Variants in FAM170A observed in about 807,000 individuals in gnomAD.
FAM170A encodes protein FAM170A.
FAM170A carries 28 observed loss-of-function variants against 36.6 expected under a neutral mutation model. The observed-to-expected ratio is 0.76, with a 90% CI of 0.57 to 1.05. The LOEUF is 1.05. FAM170A is among the 50% of genes least tolerant of loss of function. The pLI is 0.00. For synonymous variants in FAM170A, 156 were observed against 143.9 expected, an observed-to-expected ratio of 1.08 and a Z score of -0.60; for missense variants, 434 against 396.5, an observed-to-expected ratio of 1.09 and a Z score of -0.80.
At position 119,631,681 on chromosome 5, in the gene FAM170A, C is replaced by T. The variant is rs559241461; in HGVS notation, c.71-1067C>T. Reference sequence around the variant, plus strand: ...TTCCTCTATTACATACTCACACAACCCATGTGTGTGACAGTCTTTTCTTCC... The same window carrying T: ...TTCCTCTATTACATACTCACACAACTCATGTGTGTGACAGTCTTTTCTTCC... On this transcript the variant is annotated intron_variant, in intron 1 of 4. Coordinates refer to ENST00000613773, the Ensembl canonical transcript of FAM170A. Among the ~76,000 whole-genome samples, 69 of 152,232 alleles carry T rather than the reference C, an allele frequency of 4.5e-4. 2 individuals carry two copies. The South Asian group carries it at 0.014, about 31-fold the overall frequency.
rs764032855 is a variant in FAM170A, at chr5:119,634,429, C to T, written c.681C>T (p.Gly227=). Reference sequence around the variant, plus strand: ...ACTGGCTGGTGACCATGGAGAACGGCTTCAGGTGCATGGCCTGCTGCCGGG... The same window carrying T: ...ACTGGCTGGTGACCATGGAGAACGGTTTCAGGTGCATGGCCTGCTGCCGGG... The change falls in exon 3 of 5, where the codon GGC becomes GGT. Residue 227 remains glycine, a synonymous_variant. Coordinates refer to ENST00000613773, the Ensembl canonical transcript of FAM170A. 38 of 1,614,106 alleles carry T rather than the reference C, an allele frequency of 2.4e-5. No individual in the cohort carries two copies. In the East Asian group the frequency reaches 7.6e-4, roughly 32 times the overall value.
chr5:119,630,321 A>ATTTTTTT (rs10603530), intron 1 of FAM170A, among the ~76,000 whole-genome samples: 20 of 118,384 alleles, frequency 1.7e-4, no homozygotes, highest in Admixed American at 3.4e-4. Context: ...CGCCTGGCTA[A>ATTTTTTT]TTTTTTTTTT....
At chr5:119,629,715 A>G (rs1415262171) in exon 1 of FAM170A, 11 of 1,398,290 alleles carry the variant, frequency 7.9e-6, no homozygotes, top group Non-Finnish European at 1.1e-5. Context: ...AATCTACAGG[A>G]AAAAGTGGGA....
At chr5:119,634,551 C>G (rs761856251) in exon 3 of FAM170A, 4 of 1,612,982 alleles carry the variant, frequency 2.5e-6, no homozygotes, top group Admixed American at 1.7e-5. Context: ...GCTCAGCTGA[C>G]AGGCAACATG....
rs765182314 is a variant in FAM170A at position 119,632,754 on chromosome 5, C to G, written c.77C>G (p.Ser26Ter). ...CCCTTCATACCTTTCTCAGGAATGTCAAAGTCCCAAGAGGATGCCCTGCAG... is the reference window on the plus strand; with the variant it reads ...CCCTTCATACCTTTCTCAGGAATGTGAAAGTCCCAAGAGGATGCCCTGCAG... Residue 26 changes from serine (S) to a stop codon, truncating the protein, a stop_gained, in exon 2 of 5, where the codon TCA becomes TGA. Coordinates refer to ENST00000613773, the Ensembl canonical transcript of FAM170A. LOFTEE classifies it high-confidence loss of function. The G allele has an allele frequency of 5.7e-5, 90 of 1,591,468 alleles. No individual in the cohort carries two copies. The highest frequency in any genetic ancestry group is 5.1e-6 in the Non-Finnish European group (6 of 1,166,378).
intron 3 of FAM170A, 49 bp downstream of exon 3, chr5:119,634,783 C>T (rs766899474): frequency 9.4e-6 from 14 of 1,483,776 alleles, no homozygotes; most frequent in East Asian, 6.9e-5. Flanking sequence ...ATGGCTTCCC[C>T]GAGCCAGTAC....
In FAM170A at chr5:119,629,848, G is replaced by T; in HGVS notation, c.70+10G>T. 1 of 1,609,032 alleles carries T rather than the reference G, an allele frequency of 6.2e-7. No homozygotes were observed. Among genetic ancestry groups the T allele is most frequent in the Non-Finnish European group, 8.5e-7 (1 of 1,176,082 alleles). ...GCTGAGAAGGGAGGAGGTATGTGCG[G>T]GGCAAACTTTCTGGGGCACAAGCGT... On this transcript the variant is annotated intron_variant, in intron 1 of 4. Transcript: ENST00000613773.
chr5:119,634,451 C>T (rs761874342), exon 3 of FAM170A: 42 of 1,614,024 alleles, frequency 2.6e-5, no homozygotes, highest in Admixed American at 3.3e-5. Flanking sequence ...GGCCTGCTGC[C>T]GGGTGTTCAC....
intron 2 of FAM170A, among the ~76,000 whole-genome samples, 179 bp downstream of exon 2, chr5:119,633,067 T>G (rs1205922767): frequency 2.0e-5 from 3 of 151,964 alleles, no homozygotes; most frequent in Non-Finnish European, 4.4e-5. Flanking sequence ...GTGACAGTCT[T>G]TGGGTGTGGG....
chr5:119,632,960 T>C, intron 2 of FAM170A, 72 bp downstream of exon 2: 6 of 1,443,284 alleles, frequency 4.2e-6, no homozygotes, highest in Non-Finnish European at 5.6e-6. Flanking sequence ...AATATTTGAG[T>C]GTGGGGCTCT....
chr5:119,634,244 G>C, exon 3 of FAM170A: 1 of 1,614,214 alleles, frequency 6.2e-7, no homozygotes, highest in Non-Finnish European at 8.5e-7. Context: ...CCTTTCTGAG[G>C]TTGTGAGGGT....
At chr5:119,632,615 G>T in intron 1 of FAM170A, 133 bp from the exon 2 acceptor site, 1 of 741,416 alleles carries the variant, frequency 1.3e-6, no homozygotes, top group Non-Finnish European at 2.1e-6. Context: ...TCCACCAGAA[G>T]CCTGTCTCAC....
chr5:119,632,601 AG>A, intron 1 of FAM170A, 146 bp from the exon 2 acceptor site: 1 of 632,304 alleles, frequency 1.6e-6, no homozygotes, highest in South Asian at 2.5e-5. Context: ...TAAATACTGG[AG>A]TATCCACCAG....
chr5:119,635,706 G>C (rs1017446586), exon 5 of FAM170A: 2 of 154,620 alleles, frequency 1.3e-5, no homozygotes, highest in Middle Eastern at 5.1e-4. Context: ...CCAGGGAGAA[G>C]AAAGAGCCAT....
chr5:119,635,022 A>G lies in FAM170A; in HGVS notation c.987-9A>G. 6.2e-7 allele frequency: 1 copy of G among 1,614,122 alleles called. No homozygotes were observed. The highest frequency in any genetic ancestry group is 8.5e-7 in the Non-Finnish European group (1 of 1,179,978). Reference sequence around the variant, plus strand: ...AGTGTCTTTCTTTGGTTTGATTTTCACACAGCAGCTGAGACTTATGGGCCA... The same window carrying G: ...AGTGTCTTTCTTTGGTTTGATTTTCGCACAGCAGCTGAGACTTATGGGCCA... On this transcript the variant is annotated splice_polypyrimidine_tract_variant and intron_variant, in intron 3 of 4. Transcript: ENST00000613773.
chr5:119,634,044 C>T, exon 3 of FAM170A: 1 of 1,614,204 alleles, frequency 6.2e-7, no homozygotes, highest in Non-Finnish European at 8.5e-7. Flanking sequence ...CCTCCCCGCT[C>T]ACAACATGTC....
exon 3 of FAM170A, chr5:119,634,262 C>T (rs1223307850): frequency 2.5e-6 from 4 of 1,614,028 alleles, no homozygotes; most frequent in Admixed American, 3.3e-5. Context: ...GGTAGGTACT[C>T]CCCCCTCTGA....
intron 1 of FAM170A, among the ~76,000 whole-genome samples, chr5:119,631,095 C>G (rs1032842941): frequency 2.0e-5 from 3 of 152,198 alleles, no homozygotes; most frequent in Non-Finnish European, 2.9e-5. Flanking sequence ...CAATTTACTT[C>G]CCAGGCTGCA....
At chr5:119,634,861 T>A in intron 3 of FAM170A, 127 bp downstream of exon 3, 1 of 1,230,248 alleles carries the variant, frequency 8.1e-7, no homozygotes, top group Non-Finnish European at 1.1e-6. Flanking sequence ...CAGGGAACAA[T>A]GGAGGGGGAC....
Sources: allele counts gnomAD v4.1 joint callset (sites outside exome capture counted in the v4.1 genomes callset), GRCh38; gene constraint gnomAD v4.1.1; transcripts MANE v1.5; gene names NCBI Gene and HGNC (gene_info 2026-07-23, HGNC 2026-07-21).